The following RNF11 variants were observed in gnomAD, a reference collection of about 807,000 sequenced individuals.
RNF11 encodes the protein ring finger protein 11.
In RNF11, 4 loss-of-function variants were observed where a neutral mutation model predicts 15.8. That is an observed-to-expected ratio of 0.25 (90% CI 0.12 to 0.58). The LOEUF (loss-of-function observed/expected upper bound fraction) is 0.58. Ranked by LOEUF, RNF11 falls within the 20% of genes least tolerant of loss-of-function variation. The pLI, the probability that RNF11 is intolerant of heterozygous loss-of-function variation, is 0.91. For missense variants in RNF11, 139 were observed against 194.4 expected (o/e 0.71, Z 1.70); for synonymous variants, 68 against 72.3 (o/e 0.94, Z 0.30).
intron 1 of RNF11, among the ~76,000 whole-genome samples, chr1:51,255,875 T>C (rs935907015): frequency 6.6e-6 from 1 of 152,210 alleles, no homozygotes; most frequent in Non-Finnish European, 1.5e-5. Context: ...ATAAGTAAGG[T>C]TTGAAATCAG....
chr1:51,271,469 A>G lies in RNF11; in HGVS notation c.*147A>G, dbSNP rs563193580. Reference sequence around the variant, plus strand: ...CCTGGATGGCTGCAGATGTTGGGGGAAAAAGTACGTGATATTTTAGAAACT... The same window carrying G: ...CCTGGATGGCTGCAGATGTTGGGGGGAAAAGTACGTGATATTTTAGAAACT... On this transcript the variant is annotated 3_prime_UTR_variant, in exon 3 of 3. Coordinates refer to ENST00000242719, the MANE Select transcript of RNF11 (RefSeq NM_014372.5). 2.0e-5 allele frequency: 12 copies of G among 589,924 alleles called. No homozygotes were observed. The highest frequency in any genetic ancestry group is 1.5e-4 in the Admixed American group (5 of 32,454). The allele number at this position is 589,924 out of a possible 1,614,324, so 36.5% of individuals were successfully genotyped here.
At chr1:51,238,628 C>G (rs1008272301) in intron 1 of RNF11, among the ~76,000 whole-genome samples, 1 of 152,196 alleles carries the variant, frequency 6.6e-6, no homozygotes, top group Non-Finnish European at 1.5e-5. Context: ...AAAGCTGAAT[C>G]TGGGTGTCTT....
intron 1 of RNF11, among the ~76,000 whole-genome samples, chr1:51,253,920 G>A (rs1348144885): frequency 6.6e-6 from 1 of 151,718 alleles, no homozygotes; most frequent in Non-Finnish European, 1.5e-5. Flanking sequence ...GATTGCTTGA[G>A]CCTAGAAATT....
At chr1:51,264,317 T>TACACACAC (rs376270848) in intron 1 of RNF11, among the ~76,000 whole-genome samples, 11 of 75,528 alleles carry the variant, frequency 1.5e-4, no homozygotes, top group African/African-American at 5.6e-4. Flanking sequence ...TATATATATA[T>TACACACAC]ACACACACAC....
chr1:51,268,388 C>T (rs1557683215), intron 1 of RNF11, among the ~76,000 whole-genome samples: 1 of 151,832 alleles, frequency 6.6e-6, no homozygotes, highest in African/African-American at 2.4e-5. Context: ...TTTGTTTTAA[C>T]AAAAAAATAC....
At chr1:51,250,528 TTTTG>T (rs1338073223) in intron 1 of RNF11, 8 of 551,560 alleles carry the variant, frequency 1.5e-5, no homozygotes, top group Admixed American at 3.5e-5. Flanking sequence ...ATGTTGGAAT[TTTTG>T]TTTGAGATTT....
chr1:51,245,265 A>G (rs1646846625), intron 1 of RNF11, among the ~76,000 whole-genome samples: 1 of 151,460 alleles, frequency 6.6e-6, no homozygotes, highest in Non-Finnish European at 1.5e-5. Flanking sequence ...CAGTCCTCCC[A>G]TCTCAGTCTC....
At position 51,251,235 on chromosome 1, in the gene RNF11, T is replaced by G. The variant is rs961929534; in HGVS notation, c.123+14356T>G. The G allele has an allele frequency of 8.3e-6, 11 of 1,329,024 alleles. No homozygotes were observed. The Admixed American group carries it at 1.2e-4, about 15-fold the overall frequency. 82.3% of individuals were successfully genotyped at this position (1,329,024 alleles called of 1,614,324 possible). ...TTCCTTAATGGGCAGGGAGAAGAGA[T>G]AGATCTCCTCCAGGGACTTGATCTT... On this transcript the variant is annotated intron_variant, in intron 1 of 2. Transcript: ENST00000242719.
At chr1:51,253,068 G>T (rs12729447) in intron 1 of RNF11, among the ~76,000 whole-genome samples, 6 of 151,552 alleles carry the variant, frequency 4.0e-5, no homozygotes, top group African/African-American at 1.5e-4. Context: ...CTCGTGATCC[G>T]CCCGCCTCTG....
At chr1:51,267,671 G>A (rs1171746018) in intron 1 of RNF11, among the ~76,000 whole-genome samples, 1 of 152,226 alleles carries the variant, frequency 6.6e-6, no homozygotes, top group Non-Finnish European at 1.5e-5. Flanking sequence ...GGAAGCAGGT[G>A]TTGAACATAA....
Position 51,272,408 on chromosome 1 carries a change from A to G in RNF11, c.*1086A>G, listed in dbSNP as rs1328001607. The G allele has an allele frequency of 2.0e-5, 3 of 152,636 alleles. No homozygotes were observed. The highest frequency in any genetic ancestry group is 4.8e-5 in the African/African-American group (2 of 41,460). The allele number at this position is 152,636 out of a possible 1,614,324, so 9.5% of individuals were successfully genotyped here. ...GTCTCTGTTTCTTGGAAAGGTATCT[A>G]TTACATCCTGCTAGCTGACTGACAA... On this transcript the variant is annotated 3_prime_UTR_variant, in exon 3 of 3. Coordinates refer to ENST00000242719, the MANE Select transcript of RNF11 (RefSeq NM_014372.5).
chr1:51,236,813 T>C lies in RNF11; in HGVS notation c.57T>C (p.Ser19=), dbSNP rs144300978. The C allele has an allele frequency of 1.6e-5, 25 of 1,612,864 alleles. No homozygotes were observed. The East Asian group carries it at 4.0e-4, about 26-fold the overall frequency. ...TSDDISLLHE[S]QSDRASFGEG... ...ATGACATCTCCCTGCTTCACGAGTC[T>C]CAGTCCGACCGGGCTAGCTTTGGCG... The change falls in exon 1 of 3, where the codon TCT becomes TCC. Residue 19 remains serine (S), a synonymous_variant. Coordinates refer to ENST00000242719, the MANE Select transcript of RNF11 (RefSeq NM_014372.5).
rs1385999786 is a variant in RNF11, at chr1:51,271,849, GC to G, written c.*529del. 1.3e-5 allele frequency: 2 copies of G among 152,974 alleles called. No individual in the cohort carries two copies. The highest frequency in any genetic ancestry group is 2.4e-5 in the African/African-American group (1 of 41,418). The allele number at this position is 152,974 out of a possible 1,614,324, so 9.5% of individuals were successfully genotyped here. A position where few individuals can be genotyped will look rare whatever the true frequency, so the allele number is the denominator to read the frequency against. On this transcript the variant is annotated 3_prime_UTR_variant, in exon 3 of 3. Transcript: ENST00000242719. Reference sequence around the variant, plus strand: ...TTTTCCATTGGAAATGGAATTCATTGCCTTAGGTCTTTTTAAATAGTGTATT... The same window carrying G: ...TTTTCCATTGGAAATGGAATTCATTGCTTAGGTCTTTTTAAATAGTGTATT...
chr1:51,267,343 T>G (rs2148074731), intron 1 of RNF11, among the ~76,000 whole-genome samples: 1 of 152,244 alleles, frequency 6.6e-6, no homozygotes, highest in South Asian at 2.1e-4. Flanking sequence ...GCGTTGGAGG[T>G]CCTCAAAACA....
chr1:51,270,092 C>T lies in RNF11; in HGVS notation c.260C>T (p.Pro87Leu), dbSNP rs1369996324. The change falls in exon 2 of 3, where the codon CCT becomes CTT. Residue 87 changes from proline to leucine, a missense_variant. Physicochemically the swap from Pro to Leu is moderately conservative, Grantham distance 98 (BLOSUM62 -3). Transcript: ENST00000242719. ...IQHLPKGVYD[P>L]GRDGSEKKIR... ...CATCTGCCTAAAGGAGTTTATGACC[C>T]TGGAAGAGATGGATCAGAAAAAAAG... 8 of 1,608,774 alleles carry T rather than the reference C, an allele frequency of 5.0e-6. No individual in the cohort carries two copies. The Middle Eastern group carries it at 1.0e-3, about 204-fold the overall frequency.
chr1:51,253,594 C>T (rs1462557535), intron 1 of RNF11, among the ~76,000 whole-genome samples: 1 of 151,094 alleles, frequency 6.6e-6, no homozygotes, highest in Non-Finnish European at 1.5e-5. Context: ...TGTGTTAGAT[C>T]CTAGAATGTG....
At chr1:51,248,424 A>G (rs1411083614) in intron 1 of RNF11, among the ~76,000 whole-genome samples, 1 of 151,362 alleles carries the variant, frequency 6.6e-6, no homozygotes, top group East Asian at 1.9e-4. Context: ...CTGGTGTCGA[A>G]CTCCCGACCT....
At chr1:51,262,550 G>A (rs960685091) in intron 1 of RNF11, among the ~76,000 whole-genome samples, 2 of 150,270 alleles carry the variant, frequency 1.3e-5, no homozygotes, top group African/African-American at 2.5e-5. Flanking sequence ...GCTTTTTTTT[G>A]TTTGTTTGTT....
intron 1 of RNF11, among the ~76,000 whole-genome samples, chr1:51,237,467 T>C (rs761229328): frequency 2.9e-4 from 43 of 148,122 alleles, no homozygotes; most frequent in Non-Finnish European, 4.9e-4. Flanking sequence ...TATATATGTA[T>C]ATAAATTTTA....
Sources: gnomAD v4.1 joint callset for allele counts (sites outside exome capture counted in the v4.1 genomes callset) on GRCh38, gnomAD v4.1.1 for gene constraint, MANE v1.5 for transcripts, NCBI Gene and HGNC (gene_info 2026-07-23, HGNC 2026-07-21) for gene names.